The following LRRTM3 variants were observed in gnomAD, a reference collection of about 807,000 sequenced individuals.
LRRTM3 encodes the protein leucine rich repeat transmembrane neuronal 3, also known as leucine-rich repeat transmembrane neuronal protein 3.
Under a neutral mutation model 44.7 loss-of-function variants are expected in LRRTM3, and 24 were observed. That is an observed-to-expected ratio of 0.54 (90% CI 0.39 to 0.76). The LOEUF (loss-of-function observed/expected upper bound fraction) is 0.76. LRRTM3 is among the 30% of genes least tolerant of loss of function. The pLI is 0.00. For missense variants in LRRTM3, 587 were observed against 702.2 expected (o/e 0.84, Z 1.85); for synonymous variants, 277 against 278.7 (o/e 0.99, Z 0.06).
At chr10:67,054,749 C>T (rs1855320975) in intron 2 of LRRTM3, 1 of 152,040 alleles carries the variant, frequency 6.6e-6, no homozygotes, top group Non-Finnish European at 1.5e-5. Flanking sequence ...TCTCAATTTT[C>T]TAGGCGTCTT....
At chr10:66,942,076 G>A (rs556837203) in intron 2 of LRRTM3, among the ~76,000 whole-genome samples, 32 of 152,206 alleles carry the variant, frequency 2.1e-4, no homozygotes, top group Admixed American at 2.1e-3. Context: ...CTGTAAAATG[G>A]GAACAATACT....
At chr10:67,043,784 T>C in intron 2 of LRRTM3, among the ~76,000 whole-genome samples, 1 of 152,122 alleles carries the variant, frequency 6.6e-6, no homozygotes, top group Non-Finnish European at 1.5e-5. Context: ...TCTGATTAGG[T>C]TTTATGCACA....
At chr10:67,033,013 T>G (rs1417752897) in intron 2 of LRRTM3, among the ~76,000 whole-genome samples, 1 of 152,192 alleles carries the variant, frequency 6.6e-6, no homozygotes, top group African/African-American at 2.4e-5. Context: ...ACTTGAATTA[T>G]TTTACAGTAC....
chr10:66,942,411 T>C (rs1848044802), intron 2 of LRRTM3, among the ~76,000 whole-genome samples: 1 of 152,204 alleles, frequency 6.6e-6, no homozygotes, highest in Admixed American at 6.5e-5. Context: ...ACAATGTTGT[T>C]CAGCAACACA....
chr10:67,024,539 C>T (rs1473077742), intron 2 of LRRTM3, among the ~76,000 whole-genome samples: 3 of 152,130 alleles, frequency 2.0e-5, no homozygotes, highest in South Asian at 2.1e-4. Flanking sequence ...CATAAGACCA[C>T]GTTAATATAT....
At position 67,098,030 on chromosome 10, in the gene LRRTM3, C is replaced by A; in HGVS notation, c.*234C>A. 1.9e-6 allele frequency: 1 copy of A among 516,778 alleles called. No homozygotes were observed. The highest frequency in any genetic ancestry group is 3.5e-6 in the Non-Finnish European group (1 of 288,816). 32.0% of individuals were successfully genotyped at this position (516,778 alleles called of 1,614,324 possible). A position where few individuals can be genotyped will look rare whatever the true frequency, so the allele number is the denominator to read the frequency against. On this transcript the variant is annotated 3_prime_UTR_variant, in exon 3 of 3. Transcript: ENST00000361320. Reference sequence around the variant, plus strand: ...TTTTTTGACTTAAACAGAGTATGACCCTGAAAAATAAAAGAATCTTTTTTT... The same window carrying A: ...TTTTTTGACTTAAACAGAGTATGACACTGAAAAATAAAAGAATCTTTTTTT...
intron 2 of LRRTM3, among the ~76,000 whole-genome samples, chr10:67,022,394 AGAG>A (rs1327135177): frequency 6.6e-6 from 1 of 152,102 alleles, no homozygotes; most frequent in Non-Finnish European, 1.5e-5. Context: ...CACATATTAT[AGAG>A]AAGTAGAAAA....
At chr10:66,933,455 T>C (rs1847521125) in intron 2 of LRRTM3, among the ~76,000 whole-genome samples, 1 of 152,238 alleles carries the variant, frequency 6.6e-6, no homozygotes, top group Admixed American at 6.5e-5. Context: ...ACTCCCTTTC[T>C]AGTATCATTG....
chr10:67,014,526 A>C (rs1852537566), intron 2 of LRRTM3, among the ~76,000 whole-genome samples: 1 of 152,148 alleles, frequency 6.6e-6, no homozygotes, highest in Non-Finnish European at 1.5e-5. Context: ...AATATTGGAG[A>C]AGATACTGTT....
chr10:66,966,021 T>C (rs552663620), intron 2 of LRRTM3, among the ~76,000 whole-genome samples: 7 of 152,342 alleles, frequency 4.6e-5, no homozygotes, highest in African/African-American at 1.7e-4. Context: ...TAGTCAGGAC[T>C]TAAGATTTGA....
intron 2 of LRRTM3, among the ~76,000 whole-genome samples, chr10:66,962,023 A>G (rs905171643): frequency 6.6e-6 from 1 of 152,158 alleles, no homozygotes; most frequent in Admixed American, 6.5e-5. Context: ...CCATATTGCC[A>G]CTACTCTGGT....
At chr10:67,042,286 G>C (rs1564849968) in intron 2 of LRRTM3, among the ~76,000 whole-genome samples, 1 of 152,098 alleles carries the variant, frequency 6.6e-6, no homozygotes. Flanking sequence ...AATCATAGAG[G>C]AATGACATTT....
intron 2 of LRRTM3, among the ~76,000 whole-genome samples, chr10:67,007,397 T>C (rs1448152521): frequency 6.8e-6 from 1 of 147,814 alleles, no homozygotes; most frequent in Non-Finnish European, 1.5e-5. Flanking sequence ...GGCTTCAATC[T>C]GACTTTTTTT....
rs755182388 is a variant in LRRTM3, at chr10:67,098,418, C to G, written c.*622C>G. ...ACCAAAAAGGATTTAATTGTTCAGA[C>G]TTGTAAGAGGTTCTTCAATTACATA... is the stretch of plus-strand genomic sequence containing the variant. On this transcript the variant is annotated 3_prime_UTR_variant, in exon 3 of 3. Transcript: ENST00000361320. 1.3e-5 allele frequency: 2 copies of G among 152,000 alleles called. No homozygotes were observed. The highest frequency in any genetic ancestry group is 4.8e-5 in the African/African-American group (2 of 41,272). 9.4% of individuals were successfully genotyped at this position (152,000 alleles called of 1,614,324 possible).
intron 2 of LRRTM3, among the ~76,000 whole-genome samples, chr10:67,022,749 A>G (rs1292207625): frequency 6.6e-6 from 1 of 152,066 alleles, no homozygotes; most frequent in Non-Finnish European, 1.5e-5. Flanking sequence ...CATCCTGACT[A>G]ACACAGTGAA....
chr10:66,935,098 A>T (rs1460873885), intron 2 of LRRTM3, among the ~76,000 whole-genome samples: 1 of 152,120 alleles, frequency 6.6e-6, no homozygotes, highest in African/African-American at 2.4e-5. Context: ...TACTTTCTAA[A>T]AGAAAGAATA....
At chr10:66,997,670 C>T (rs979722195) in intron 2 of LRRTM3, among the ~76,000 whole-genome samples, 6 of 152,290 alleles carry the variant, frequency 3.9e-5, no homozygotes, top group Middle Eastern at 3.4e-3. Flanking sequence ...CACATTTCTT[C>T]CCAAGCAAGT....
At chr10:66,984,860 C>T (rs1195760476) in intron 2 of LRRTM3, among the ~76,000 whole-genome samples, 1 of 152,092 alleles carries the variant, frequency 6.6e-6, no homozygotes, top group Non-Finnish European at 1.5e-5. Context: ...AAAATACTGC[C>T]TTTTACTGAC....
intron 2 of LRRTM3, 109 bp from the exon 3 acceptor site, chr10:67,097,477 CA>C: frequency 1.1e-6 from 1 of 903,900 alleles, no homozygotes; most frequent in Non-Finnish European, 1.7e-6. Context: ...GCCACAGGGC[CA>C]CAGATATAAC....
Sources: gnomAD v4.1 joint callset for allele counts (sites outside exome capture counted in the v4.1 genomes callset) on GRCh38, gnomAD v4.1.1 for gene constraint, MANE v1.5 for transcripts, NCBI Gene and HGNC (gene_info 2026-07-23, HGNC 2026-07-21) for gene names.